KDM4C: variants seen among roughly 807,000 people sequenced by gnomAD.
KDM4C encodes the protein lysine-specific demethylase 4C.
In KDM4C, 81 loss-of-function variants were observed where a neutral mutation model predicts 129.3. That is an observed-to-expected ratio of 0.63 (90% confidence interval 0.52 to 0.75). The LOEUF (loss-of-function observed/expected upper bound fraction) is 0.75. Ranked by LOEUF, KDM4C falls within the 30% of genes least tolerant of loss-of-function variation. KDM4C has a pLI of 0.00. For missense variants in KDM4C, 1,457 were observed against 1,304.0 expected, an observed-to-expected ratio of 1.12 and a Z score of -1.81; for synonymous variants, 573 against 456.1, an observed-to-expected ratio of 1.26 and a Z score of -3.26.
Position 6,988,659 on chromosome 9 carries a change from TCCATC to T in KDM4C, c.1678-1755_1678-1751del, listed in dbSNP as rs749452354. On this transcript the variant is annotated intron_variant, in intron 11 of 21. Coordinates refer to ENST00000381309, the MANE Select transcript of KDM4C (RefSeq NM_015061.6). ...AGTATTATGTTATTTTTTAAAGCCA[TCCATC>T]CATCCATCCATCCATCCATCCATCC... Among the ~76,000 whole-genome samples the T allele has an allele frequency of 4.2e-3, 629 of 150,432 alleles. 3 individuals are homozygous for T. The highest frequency in any genetic ancestry group is 0.013 in the African/African-American group (533 of 40,802).
At chr9:6,750,453 A>AAAG (rs576713669) in intron 1 of KDM4C, among the ~76,000 whole-genome samples, 2 of 150,470 alleles carry the variant, frequency 1.3e-5, no homozygotes, top group Non-Finnish European at 1.5e-5. Context: ...AAAAAAAAAA[A>AAAG]GCTCTTCACG....
chr9:7,156,725 T>C (rs1365807684), intron 19 of KDM4C, among the ~76,000 whole-genome samples: 4 of 152,244 alleles, frequency 2.6e-5, no homozygotes. Context: ...TCTGTTTTGG[T>C]ACCAGTACCA....
At chr9:6,791,910 T>C (rs1826718130) in intron 1 of KDM4C, among the ~76,000 whole-genome samples, 1 of 152,112 alleles carries the variant, frequency 6.6e-6, no homozygotes, top group Non-Finnish European at 1.5e-5. Context: ...TAATCCGAGC[T>C]ACCCGGAAGG....
rs1826449301 is a variant in KDM4C, at chr9:7,029,937, A to G, written c.2259+14008A>G. On this transcript the variant is annotated intron_variant, in intron 15 of 21. Coordinates refer to ENST00000381309, the MANE Select transcript of KDM4C (RefSeq NM_015061.6). Reference sequence around the variant, plus strand: ...TTTGAAAAACTCCAAATAAAGTATCAGTTGTGCTATGTCCTTCTAGGGAGC... The same window carrying G: ...TTTGAAAAACTCCAAATAAAGTATCGGTTGTGCTATGTCCTTCTAGGGAGC... 3.9e-5 allele frequency among the ~76,000 whole-genome samples: 6 copies of G among 152,338 alleles called. No individual in the cohort carries two copies. In the South Asian group the frequency reaches 1.0e-3, roughly 26 times the overall value.
At position 6,748,190 on chromosome 9, in the gene KDM4C, A is replaced by G. The variant is rs1174224374; in HGVS notation, c.49+27193A>G. Among the ~76,000 whole-genome samples, 9 of 149,900 alleles carry G rather than the reference A, an allele frequency of 6.0e-5. No individual in the cohort carries two copies. In the East Asian group the frequency reaches 1.6e-3, roughly 26 times the overall value. ...CAAAAAAAAAACAAACAAACAAACA[A>G]AAAACAACAACAATTAAAAAAAAAC... On this transcript the variant is annotated intron_variant, in intron 1 of 17. Transcript: ENST00000536108.
At chr9:6,838,186 A>G (rs537860053) in intron 4 of KDM4C, among the ~76,000 whole-genome samples, 1 of 152,244 alleles carries the variant, frequency 6.6e-6, no homozygotes, top group East Asian at 1.9e-4. Context: ...TGTCTTAGCA[A>G]TTCCGTCTTT....
At chr9:7,107,750 G>A (rs771658821) in intron 18 of KDM4C, among the ~76,000 whole-genome samples, 30 of 152,210 alleles carry the variant, frequency 2.0e-4, no homozygotes, top group South Asian at 6.2e-4. Flanking sequence ...AAGAGAGGAA[G>A]AACTTTTATA....
At chr9:6,836,172 C>T (rs1024001957) in intron 4 of KDM4C, among the ~76,000 whole-genome samples, 1 of 152,144 alleles carries the variant, frequency 6.6e-6, no homozygotes, top group Non-Finnish European at 1.5e-5. Flanking sequence ...AAAAAAATCA[C>T]TGGGTGTGGT....
intron 8 of KDM4C, among the ~76,000 whole-genome samples, chr9:6,975,621 C>T (rs1421293466): frequency 6.6e-6 from 1 of 152,126 alleles, no homozygotes. Context: ...ATTCTCTAGG[C>T]ACCTAGAATA....
intron 4 of KDM4C, among the ~76,000 whole-genome samples, chr9:6,821,726 C>T (rs1447774240): frequency 6.6e-6 from 1 of 151,932 alleles, no homozygotes; most frequent in African/African-American, 2.4e-5. Flanking sequence ...ACCTTCACCC[C>T]CGGGTTCAAG....
intron 4 of KDM4C, among the ~76,000 whole-genome samples, chr9:6,825,453 C>T (rs1435574266): frequency 6.6e-6 from 1 of 152,134 alleles, no homozygotes; most frequent in Non-Finnish European, 1.5e-5. Context: ...GGCAAGGTAA[C>T]TGTGTTCTAT....
In KDM4C at chr9:7,011,683, G is replaced by T; in HGVS notation, c.1787-15G>T. The T allele has an allele frequency of 6.2e-7, 1 of 1,612,682 alleles. No individual in the cohort carries two copies. On this transcript the variant is annotated splice_polypyrimidine_tract_variant and intron_variant, in intron 12 of 21. Transcript: ENST00000381309. ...GTTCCCATGCTCATGGTATTTTCCT[G>T]CCTTCTCCCTTAAGAATTGCCTGAG...
intron 17 of KDM4C, among the ~76,000 whole-genome samples, chr9:7,101,310 CAA>C (rs1192674315): frequency 6.6e-6 from 1 of 152,068 alleles, no homozygotes; most frequent in East Asian, 1.9e-4. Flanking sequence ...CTTTAGGCAT[CAA>C]ATTCCAGAGA....
intron 8 of KDM4C, among the ~76,000 whole-genome samples, chr9:6,921,514 T>A (rs981857700): frequency 2.6e-5 from 4 of 152,328 alleles, no homozygotes; most frequent in Middle Eastern, 3.4e-3. Flanking sequence ...GGCTCTAGAA[T>A]CTCTGGGATG....
intron 11 of KDM4C, among the ~76,000 whole-genome samples, chr9:6,988,706 A>C (rs1385916082): frequency 6.6e-6 from 1 of 151,824 alleles, no homozygotes; most frequent in Admixed American, 6.6e-5. Context: ...CCATCCATCC[A>C]TTCATCTTGG....
chr9:7,049,208 GC>G lies in KDM4C; in HGVS notation c.2424+9del, dbSNP rs752337325. The G allele has an allele frequency of 6.8e-7, 1 of 1,465,932 alleles. No individual in the cohort carries two copies. The highest frequency in any genetic ancestry group is 1.2e-5 in the South Asian group (1 of 84,902). 90.8% of individuals were successfully genotyped at this position (1,465,932 alleles called of 1,614,324 possible). ...TTACAGAGGTTAAAATTGGTGAGTG[GC>G]AAAGCTTCTTTTTTACCTCATAAAT... On this transcript the variant is annotated intron_variant, in intron 17 of 21. Coordinates refer to ENST00000381309, the MANE Select transcript of KDM4C (RefSeq NM_015061.6).
At chr9:7,132,644 C>T (rs750612989) in intron 19 of KDM4C, among the ~76,000 whole-genome samples, 2 of 152,118 alleles carry the variant, frequency 1.3e-5, no homozygotes, top group African/African-American at 2.4e-5. Flanking sequence ...TTTTGCCTTC[C>T]ACTATTTTGA....
At chr9:6,957,158 G>A (rs1829211684) in intron 8 of KDM4C, among the ~76,000 whole-genome samples, 1 of 152,146 alleles carries the variant, frequency 6.6e-6, no homozygotes, top group South Asian at 2.1e-4. Context: ...GGCATAAGCT[G>A]TTTTATTTGT....
chr9:6,906,526 A>G (rs2067082772), intron 8 of KDM4C, among the ~76,000 whole-genome samples: 1 of 152,164 alleles, frequency 6.6e-6, no homozygotes, highest in African/African-American at 2.4e-5. Flanking sequence ...CAGCCTCCCT[A>G]GTAGCTGGGA....
Sources: gnomAD v4.1 joint callset for allele counts (sites outside exome capture counted in the v4.1 genomes callset) on GRCh38, gnomAD v4.1.1 for gene constraint, MANE v1.5 for transcripts, NCBI Gene and HGNC (gene_info 2026-07-23, HGNC 2026-07-21) for gene names.